TOGARAM2: variants seen among roughly 807,000 people sequenced by gnomAD.
The protein encoded by TOGARAM2 is TOG array regulator of axonemal microtubules protein 2.
TOGARAM2 carries 85 observed loss-of-function variants against 93.3 expected under a neutral mutation model. The observed-to-expected ratio is 0.91, with a 90% CI of 0.76 to 1.09. The LOEUF (loss-of-function observed/expected upper bound fraction) is 1.09. TOGARAM2 is among the 50% of genes least tolerant of loss of function. The pLI is 0.00. For synonymous variants in TOGARAM2, 593 were observed against 552.8 expected (o/e 1.07, Z -1.02); for missense variants, 1,277 against 1,334.5 (o/e 0.96, Z 0.67).
rs1664956073 is a variant in TOGARAM2 at position 29,021,726 on chromosome 2, C to T, written c.1361-432C>T. On this transcript the variant is annotated intron_variant, in intron 10 of 19. Coordinates refer to ENST00000379558, the MANE Select transcript of TOGARAM2 (RefSeq NM_199280.4). ...GCAAGAGGGAAGGAAGAGGCGCTGACCATACAGGCCTCTGGTTGGGAATGA... is the reference window on the plus strand; with the variant it reads ...GCAAGAGGGAAGGAAGAGGCGCTGATCATACAGGCCTCTGGTTGGGAATGA... Among the ~76,000 whole-genome samples the T allele has an allele frequency of 2.6e-5, 4 of 152,268 alleles. No individual in the cohort carries two copies. In the South Asian group the frequency reaches 8.3e-4, roughly 32 times the overall value.
At chr2:28,957,744 T>C (rs1434998790) in intron 1 of TOGARAM2, among the ~76,000 whole-genome samples, 1 of 152,204 alleles carries the variant, frequency 6.6e-6, no homozygotes, top group African/African-American at 2.4e-5. Flanking sequence ...TGTGTGTTTA[T>C]TTCGAACTTC....
At chr2:29,018,080 G>A in intron 10 of TOGARAM2, 124 bp downstream of exon 10, 1 of 1,108,222 alleles carries the variant, frequency 9.0e-7, no homozygotes, top group African/African-American at 1.6e-5. Flanking sequence ...TAGACCAGGA[G>A]GCAGCCTGGG....
chr2:29,027,128 C>A, intron 14 of TOGARAM2, 117 bp downstream of exon 14: 1 of 1,097,462 alleles, frequency 9.1e-7, no homozygotes, highest in Non-Finnish European at 1.3e-6. Flanking sequence ...GGCAGGTAGG[C>A]GGAAGCTATG....
intron 7 of TOGARAM2, among the ~76,000 whole-genome samples, chr2:29,013,990 G>A (rs1425259368): frequency 6.6e-6 from 1 of 152,142 alleles, no homozygotes; most frequent in Non-Finnish European, 1.5e-5. Flanking sequence ...ATGCTTTCAG[G>A]CAAGCCCATG....
intron 6 of TOGARAM2, among the ~76,000 whole-genome samples, chr2:29,004,057 G>A (rs1386762932): frequency 2.0e-5 from 3 of 152,192 alleles, no homozygotes; most frequent in East Asian, 3.8e-4. Context: ...GTGCAGTGGT[G>A]TGATCTCAAC....
intron 18 of TOGARAM2, among the ~76,000 whole-genome samples, chr2:29,038,064 G>T (rs1475381164): frequency 6.6e-6 from 1 of 152,050 alleles, no homozygotes; most frequent in African/African-American, 2.4e-5. Flanking sequence ...GAATTGTGGC[G>T]CTTTGGGCAA....
In TOGARAM2 at chr2:29,045,388, G is replaced by A; in HGVS notation, c.2700G>A (p.Leu900=). The A allele has an allele frequency of 3.1e-6, 5 of 1,613,604 alleles. No homozygotes were observed. The highest frequency in any genetic ancestry group is 4.2e-6 in the Non-Finnish European group (5 of 1,179,878). The part of the protein sequence containing the change: ...RVRFLSGRAV[L]DVTDRLAVLV... ...GTTTCCTGAGTGGCCGTGCGGTGCT[G>A]GATGTCACAGATCGCCTGGCAGGTG... is the stretch of plus-strand genomic sequence containing the variant. The change falls in exon 19 of 20, where the codon CTG becomes CTA. Residue 900 remains leucine, a synonymous_variant. Transcript: ENST00000379558.
chr2:28,981,860 A>G (rs1157188548), intron 1 of TOGARAM2, among the ~76,000 whole-genome samples: 1 of 152,044 alleles, frequency 6.6e-6, no homozygotes, highest in African/African-American at 2.4e-5. Flanking sequence ...AGTGCTCTCT[A>G]CCTCAGGGTG....
intron 1 of TOGARAM2, among the ~76,000 whole-genome samples, chr2:28,963,515 C>T (rs1314852246): frequency 6.6e-6 from 1 of 152,138 alleles, no homozygotes; most frequent in African/African-American, 2.4e-5. Context: ...GCTAGGACTA[C>T]AGGCATATGC....
chr2:29,039,179 AACACCT>A (rs1270725240), intron 18 of TOGARAM2, among the ~76,000 whole-genome samples: 5 of 152,134 alleles, frequency 3.3e-5, no homozygotes, highest in African/African-American at 2.4e-5. Flanking sequence ...GGGGACCTTT[AACACCT>A]GAGGCCCCTC....
chr2:28,969,812 C>CA (rs71403636), intron 1 of TOGARAM2, among the ~76,000 whole-genome samples: 3 of 127,872 alleles, frequency 2.3e-5, no homozygotes, highest in Non-Finnish European at 3.2e-5. Flanking sequence ...GGTTGTCTTC[C>CA]TTTTTTTTTT....
intron 1 of TOGARAM2, among the ~76,000 whole-genome samples, chr2:28,973,245 C>T (rs978379691): frequency 7.2e-5 from 11 of 152,202 alleles, no homozygotes. Context: ...TGGCTCAAGC[C>T]TGTCCTCACC....
intron 4 of TOGARAM2, among the ~76,000 whole-genome samples, chr2:28,999,721 G>A (rs1673187738): frequency 6.6e-6 from 1 of 152,230 alleles, no homozygotes; most frequent in South Asian, 2.1e-4. Context: ...TCTTGCTCCA[G>A]AAGGATCCTT....
At chr2:28,961,167 C>T (rs1012056080) in intron 1 of TOGARAM2, among the ~76,000 whole-genome samples, 5 of 151,920 alleles carry the variant, frequency 3.3e-5, no homozygotes, top group African/African-American at 7.3e-5. Flanking sequence ...TCCTCTGAGG[C>T]CCTCTGCACA....
intron 1 of TOGARAM2, among the ~76,000 whole-genome samples, chr2:28,987,942 G>T (rs1228757952): frequency 3.9e-5 from 6 of 152,232 alleles, no homozygotes; most frequent in Admixed American, 6.5e-5. Flanking sequence ...GGGTCTGATG[G>T]GTGTGGACAT....
chr2:29,009,253 G>C (rs992901255), intron 6 of TOGARAM2, among the ~76,000 whole-genome samples: 2 of 152,186 alleles, frequency 1.3e-5, no homozygotes, highest in African/African-American at 4.8e-5. Flanking sequence ...AAGGAGGAGT[G>C]AGCCCCTGCA....
chr2:29,049,553 C>G (rs1666952507), intron 19 of TOGARAM2: 1 of 152,194 alleles, frequency 6.6e-6, no homozygotes, highest in Non-Finnish European at 1.5e-5. Flanking sequence ...TTTTGGTTCC[C>G]TCTCACTGTC....
rs73922945 is a variant in TOGARAM2 at position 29,026,158 on chromosome 2, T to C, written c.1854-695T>C. Among the ~76,000 whole-genome samples the C allele has an allele frequency of 1.7e-3, 254 of 152,340 alleles. 1 individual carries two copies. The highest frequency in any genetic ancestry group is 6.0e-3 in the African/African-American group (248 of 41,582). ...ACTCCCTGCCTCCACTTTCTTGCCT[T>C]CCATTTCCCCTCTGCCCATCGAGTG... On this transcript the variant is annotated intron_variant, in intron 13 of 19. Coordinates refer to ENST00000379558, the MANE Select transcript of TOGARAM2 (RefSeq NM_199280.4).
At chr2:29,043,250 C>A (rs897982761) in intron 18 of TOGARAM2, among the ~76,000 whole-genome samples, 1 of 152,092 alleles carries the variant, frequency 6.6e-6, no homozygotes, top group African/African-American at 2.4e-5. Context: ...ATTTTAAAGC[C>A]GCTTGATTTG....
Sources: allele counts gnomAD v4.1 joint callset (sites outside exome capture counted in the v4.1 genomes callset), GRCh38; gene constraint gnomAD v4.1.1; transcripts MANE v1.5; gene names NCBI Gene and HGNC (gene_info 2026-07-23, HGNC 2026-07-21).